The following ACTN1 variants were observed in gnomAD, a reference collection of about 807,000 sequenced individuals.
The protein encoded by ACTN1 is actinin alpha 1.
In ACTN1, 30 loss-of-function variants were observed where a neutral mutation model predicts 119.6. The observed-to-expected ratio is 0.25, with a 90% CI of 0.19 to 0.34. The LOEUF (loss-of-function observed/expected upper bound fraction) is 0.34. Ranked by LOEUF, ACTN1 falls within the 10% of genes least tolerant of loss-of-function variation. The pLI, the probability that ACTN1 is intolerant of heterozygous loss-of-function variation, is 1.00. For missense variants in ACTN1, 764 were observed against 1,223.4 expected (o/e 0.62, Z 5.60); for synonymous variants, 429 against 472.6 (o/e 0.91, Z 1.20).
intron 1 of ACTN1, among the ~76,000 whole-genome samples, chr14:68,968,961 C>T (rs1438379015): frequency 6.6e-6 from 1 of 152,190 alleles, no homozygotes; most frequent in Non-Finnish European, 1.5e-5. Context: ...GCTGAGCTTG[C>T]TTCCGAACCA....
intron 1 of ACTN1, chr14:68,977,817 AC>A (rs2037115462): frequency 5.4e-6 from 2 of 368,666 alleles, no homozygotes; most frequent in Middle Eastern, 8.2e-4. Flanking sequence ...CCCACCCAAA[AC>A]CCCATTCCCA....
At chr14:68,918,945 T>C (rs2034489764) in intron 3 of ACTN1, among the ~76,000 whole-genome samples, 1 of 152,176 alleles carries the variant, frequency 6.6e-6, no homozygotes, top group Non-Finnish European at 1.5e-5. Flanking sequence ...TTTCCTTAAC[T>C]GTAAAACGTG....
intron 1 of ACTN1, among the ~76,000 whole-genome samples, chr14:68,950,468 A>ATTTG (rs1429743559): frequency 1.2e-5 from 1 of 85,618 alleles, no homozygotes; most frequent in African/African-American, 8.2e-5. Context: ...GTGTGTATAT[A>ATTTG]TATATATATA....
chr14:68,941,673 T>C (rs1287092765), intron 1 of ACTN1, among the ~76,000 whole-genome samples: 1 of 152,140 alleles, frequency 6.6e-6, no homozygotes, highest in African/African-American at 2.4e-5. Context: ...CTAGAGTTCA[T>C]TACTAAAGTA....
rs1164556934 is a variant in ACTN1, at chr14:68,954,634, G to A, written c.105+24318C>T. Among the ~76,000 whole-genome samples, 7 of 152,144 alleles carry A rather than the reference G, an allele frequency of 4.6e-5. No homozygotes were observed. The East Asian group carries it at 1.3e-3, about 29-fold the overall frequency. ...AGCCACCACACCCGGCCCATACAGAGAATATTTTTAAGCATGTCTTTCTTT... is the reference window on the plus strand; with the variant it reads ...AGCCACCACACCCGGCCCATACAGAAAATATTTTTAAGCATGTCTTTCTTT... On this transcript the variant is annotated intron_variant, in intron 1 of 21. Coordinates refer to ENST00000394419, the MANE Select transcript of ACTN1 (RefSeq NM_001130004.2).
rs1263438358 is a variant in ACTN1, at chr14:68,945,175, AAAG to A, written c.106-19506_106-19504del. On this transcript the variant is annotated intron_variant, in intron 1 of 21. Coordinates refer to ENST00000394419, the MANE Select transcript of ACTN1 (RefSeq NM_001130004.2). ...TAAGACTCCGGTTCAAAAAAAAAAA[AAAG>A]AAAGAAAGAAAGAAAGAAAAGAAGA... Among the ~76,000 whole-genome samples, 1,029 of 148,356 alleles carry A rather than the reference AAAG, an allele frequency of 6.9e-3. 10 individuals carry two copies. The highest frequency in any genetic ancestry group is 0.024 in the African/African-American group (931 of 39,048).
intron 14 of ACTN1, 87 bp downstream of exon 14, chr14:68,884,081 A>AG: frequency 1.5e-6 from 2 of 1,365,432 alleles, no homozygotes; most frequent in South Asian, 1.5e-5. Context: ...GCTCTTCCTC[A>AG]GGGGGCAGTC....
At chr14:68,895,108 A>G (rs1050463130) in intron 8 of ACTN1, among the ~76,000 whole-genome samples, 12 of 152,152 alleles carry the variant, frequency 7.9e-5, no homozygotes, top group Middle Eastern at 3.4e-3. Flanking sequence ...GGGAGGCATG[A>G]CCTGCAGAGC....
At chr14:68,946,059 C>T (rs1290989029) in intron 1 of ACTN1, among the ~76,000 whole-genome samples, 1 of 152,136 alleles carries the variant, frequency 6.6e-6, no homozygotes, top group Non-Finnish European at 1.5e-5. Flanking sequence ...GTGGCAGTCA[C>T]ACACTTTCAA....
intron 14 of ACTN1, 88 bp downstream of exon 14, chr14:68,884,080 C>T (rs1333064375): frequency 7.3e-7 from 1 of 1,361,328 alleles, no homozygotes; most frequent in Non-Finnish European, 9.9e-7. Flanking sequence ...TGCTCTTCCT[C>T]AGGGGGCAGT....
intron 6 of ACTN1, among the ~76,000 whole-genome samples, chr14:68,905,536 G>A (rs545636527): frequency 1.3e-5 from 2 of 152,292 alleles, no homozygotes; most frequent in African/African-American, 4.8e-5. Context: ...GTAGCCAAGA[G>A]GTGGAAGCAA....
Position 68,925,967 on chromosome 14 carries a change from C to CT in ACTN1, c.106-296_106-295insA, listed in dbSNP as rs1202738329. ...CAGCCCTCTCTCAAAGACTCATGCC[C>CT]ACCCACATTTGAAAATGCCACAATT... is the stretch of plus-strand genomic sequence containing the variant. On this transcript the variant is annotated intron_variant, in intron 1 of 21. Transcript: ENST00000394419. The surrounding 1 kb of genome is among the most constrained non-coding windows in gnomAD (Gnocchi z 4.3). Among the ~76,000 whole-genome samples, 3 of 152,212 alleles carry CT rather than the reference C, an allele frequency of 2.0e-5. No homozygotes were observed. Among genetic ancestry groups the CT allele is most frequent in the Non-Finnish European group, 4.4e-5 (3 of 68,028 alleles).
In ACTN1 at chr14:68,875,004, A is replaced by G. The variant is rs1436008180; in HGVS notation, c.2600T>C (p.Met867Thr). 6.2e-7 allele frequency: 1 copy of G among 1,613,478 alleles called. No homozygotes were observed. Among genetic ancestry groups the G allele is most frequent in the Non-Finnish European group, 8.5e-7 (1 of 1,180,018 alleles). Residue 867 changes from methionine (M) to threonine (T), a missense_variant, in exon 22 of 22, where the codon ATG becomes ACG. By Grantham distance (81) the Met-to-Thr change is moderately conservative (BLOSUM62 -1). Coordinates refer to ENST00000394419, the MANE Select transcript of ACTN1 (RefSeq NM_001130004.2). ...ILAGDKNYITMDELRRELPPD... is the reference protein window; with the variant it reads ...ILAGDKNYITTDELRRELPPD... ...TGGCAGCTCGCGGCGCAGCTCGTCC[A>G]TGGTAATGTAGTTCTGCGAGGAGAG...
chr14:68,899,386 T>C (rs1320111517), intron 8 of ACTN1, among the ~76,000 whole-genome samples: 1 of 109,724 alleles, frequency 9.1e-6, no homozygotes, highest in Non-Finnish European at 1.9e-5. Flanking sequence ...ATACACCTCA[T>C]ACACACACCT....
intron 10 of ACTN1, among the ~76,000 whole-genome samples, chr14:68,891,220 T>C (rs930489046): frequency 6.6e-6 from 1 of 152,160 alleles, no homozygotes; most frequent in East Asian, 1.9e-4. Context: ...GACAAAAAGC[T>C]GCGTCATGGC....
chr14:68,875,126 C>T (rs748801956), intron 21 of ACTN1, 109 bp from the exon 22 acceptor site: 149 of 1,550,320 alleles, frequency 9.6e-5, no homozygotes, highest in Non-Finnish European at 1.2e-4. Context: ...GTGCCGTTTG[C>T]ATTTTGCCTC....
In ACTN1 at chr14:68,878,020, G is replaced by A. The variant is rs548386970; in HGVS notation, c.2427+438C>T. 67 of 172,988 alleles carry A rather than the reference G, an allele frequency of 3.9e-4. 1 individual carries two copies. Among genetic ancestry groups the A allele is most frequent in the Admixed American group, 1.9e-3 (34 of 18,254 alleles). 10.7% of individuals were successfully genotyped at this position (172,988 alleles called of 1,614,324 possible). A position where few individuals can be genotyped will look rare whatever the true frequency, so the allele number is the denominator to read the frequency against. ...GGGGGACAGACTAGGAAGGTTGGGG[G>A]GTGGGGGACGGCCTGGGACAATCCA... On this transcript the variant is annotated intron_variant, in intron 20 of 21. Transcript: ENST00000394419. This position sits in a 1 kb window ranked among gnomAD's most constrained non-coding sequence, Gnocchi z 4.4.
chr14:68,915,838 G>A (rs1457476982), intron 3 of ACTN1, among the ~76,000 whole-genome samples: 6 of 152,192 alleles, frequency 3.9e-5, no homozygotes, highest in Admixed American at 2.0e-4. Context: ...ACAACATGGC[G>A]AAACCCCGTC....
chr14:68,965,487 C>T (rs1406668765), intron 1 of ACTN1, among the ~76,000 whole-genome samples: 1 of 152,248 alleles, frequency 6.6e-6, no homozygotes, highest in African/African-American at 2.4e-5. Context: ...GCCAAGTCTA[C>T]ACAAAGGACC....
Sources: gnomAD v4.1 joint callset for allele counts (sites outside exome capture counted in the v4.1 genomes callset) on GRCh38, gnomAD v4.1.1 for gene constraint, Gnocchi (gnomAD v3.1) non-coding constraint, MANE v1.5 for transcripts, NCBI Gene and HGNC (gene_info 2026-07-23, HGNC 2026-07-21) for gene names.